The following RANBP2 variants were observed in gnomAD, a reference collection of about 807,000 sequenced individuals.
RANBP2 encodes E3 SUMO-protein ligase RanBP2.
In RANBP2, 57 loss-of-function variants were observed where a neutral mutation model predicts 303.6. The ratio of observed to expected loss-of-function variants is 0.19; its 90% confidence interval spans 0.15 to 0.23. The LOEUF (loss-of-function observed/expected upper bound fraction) is 0.23, where lower values mean the gene tolerates loss of function less well. Among genes scored for constraint, RANBP2 ranks in the 10% least tolerant of loss-of-function variants. The pLI is 1.00. For missense variants in RANBP2, 3,138 were observed against 3,780.8 expected (o/e 0.83, Z 4.46); for synonymous variants, 1,167 against 1,301.5 (o/e 0.90, Z 2.23).
the RANBP2 span, among the ~76,000 whole-genome samples, chr2:108,916,962 A>AC: frequency 6.6e-6 from 1 of 152,172 alleles, no homozygotes; most frequent in South Asian, 2.1e-4. Context: ...CCCACAGGCC[A>AC]CCCAGGCCAC....
At chr2:109,539,423 T>C in the RANBP2 span, among the ~76,000 whole-genome samples, 1 of 152,104 alleles carries the variant, frequency 6.6e-6, no homozygotes, top group African/African-American at 2.4e-5. Context: ...ACGTGTACCT[T>C]GAAGTCAACC....
the RANBP2 span, among the ~76,000 whole-genome samples, chr2:109,263,748 T>A: frequency 1.3e-5 from 2 of 152,130 alleles, no homozygotes; most frequent in African/African-American, 4.8e-5. Flanking sequence ...GGGCAGATCA[T>A]GAGGTCAGGA....
chr2:109,109,927 C>G, the RANBP2 span, among the ~76,000 whole-genome samples: 1 of 152,122 alleles, frequency 6.6e-6, no homozygotes, highest in East Asian at 1.9e-4. Context: ...ACGCACCCCC[C>G]ACAGCCCTCC....
the RANBP2 span, chr2:109,552,916 A>G: frequency 1.4e-6 from 1 of 726,784 alleles, no homozygotes; most frequent in Non-Finnish European, 2.1e-6. Context: ...TTTTCATTTA[A>G]TTTCAGGCTA....
At chr2:109,415,260 G>A in the RANBP2 span, among the ~76,000 whole-genome samples, 4 of 152,228 alleles carry the variant, frequency 2.6e-5, no homozygotes, top group African/African-American at 4.8e-5. Flanking sequence ...GTCTGTGGCT[G>A]TTTGTTTCAG....
chr2:109,179,003 A>ATGTGTGTGTGTGTGTGTGTGTGTGTG, the RANBP2 span, among the ~76,000 whole-genome samples: 2 of 142,178 alleles, frequency 1.4e-5, no homozygotes, highest in East Asian at 2.0e-4. Context: ...AAGTATAATA[A>ATGTGTGTGTGTGTGTGTGTGTGTGTG]TGTGTGTGTG....
the RANBP2 span, among the ~76,000 whole-genome samples, chr2:109,095,572 G>A: frequency 2.0e-5 from 3 of 152,174 alleles, no homozygotes; most frequent in Non-Finnish European, 4.4e-5. Flanking sequence ...CAACGGTTGA[G>A]CAAGTTGGCT....
chr2:109,652,609 T>G, the RANBP2 span, among the ~76,000 whole-genome samples: 2 of 152,158 alleles, frequency 1.3e-5, no homozygotes, highest in African/African-American at 4.8e-5. Context: ...CGACTATGGA[T>G]TCCTCCTGCA....
the RANBP2 span, among the ~76,000 whole-genome samples, chr2:109,549,936 ACTGAGT>A: frequency 6.6e-6 from 1 of 152,206 alleles, no homozygotes; most frequent in Non-Finnish European, 1.5e-5. Context: ...AGAAAGCCAT[ACTGAGT>A]GTAAAGGGGG....
intron 13 of RANBP2, 109 bp downstream of exon 13, chr2:108,753,268 T>A: frequency 6.2e-7 from 1 of 1,604,944 alleles, no homozygotes; most frequent in Admixed American, 1.7e-5. Flanking sequence ...TTAATGGTAA[T>A]CTTGTTTTCT....
At chr2:109,285,020 G>GA in the RANBP2 span, among the ~76,000 whole-genome samples, 4 of 152,264 alleles carry the variant, frequency 2.6e-5, no homozygotes, top group Admixed American at 1.3e-4. Context: ...CGTTGTCTGT[G>GA]CGCTGTGCCG....
the RANBP2 span, among the ~76,000 whole-genome samples, chr2:109,196,410 C>G: frequency 2.6e-5 from 4 of 152,200 alleles, no homozygotes; most frequent in African/African-American, 9.6e-5. Flanking sequence ...GGCGGGCAGC[C>G]TCCTGCTGTG....
At chr2:108,772,718 G>A (rs1013753272) in intron 22 of RANBP2, 137 bp downstream of exon 22, 43 of 1,215,010 alleles carry the variant, frequency 3.5e-5, no homozygotes, top group Non-Finnish European at 4.8e-5. Context: ...ACTAACAGGT[G>A]AAAATATTCT....
chr2:108,976,472 T>C, the RANBP2 span, among the ~76,000 whole-genome samples: 2 of 152,152 alleles, frequency 1.3e-5, no homozygotes, highest in African/African-American at 4.8e-5. Context: ...CACTCTGAAG[T>C]GACTCCTTCC....
chr2:109,625,087 CAA>C, the RANBP2 span, among the ~76,000 whole-genome samples: 355 of 60,088 alleles, frequency 5.9e-3, 5 homozygotes, highest in South Asian at 0.096. Flanking sequence ...ACAACAACAA[CAA>C]AAAAAAAAAA....
the RANBP2 span, among the ~76,000 whole-genome samples, chr2:108,830,765 G>A: frequency 6.6e-6 from 1 of 151,858 alleles, no homozygotes; most frequent in Admixed American, 6.6e-5. Flanking sequence ...CTGAGATCAC[G>A]CCATTGCACT....
the RANBP2 span, among the ~76,000 whole-genome samples, chr2:109,493,948 C>T: frequency 1.8e-4 from 27 of 152,220 alleles, no homozygotes; most frequent in Admixed American, 1.2e-3. Flanking sequence ...TAAGGAGTCT[C>T]CTCCGCATCA....
chr2:109,397,199 G>C, the RANBP2 span, among the ~76,000 whole-genome samples: 1 of 152,126 alleles, frequency 6.6e-6, no homozygotes, highest in Non-Finnish European at 1.5e-5. Context: ...CGCTTGGTGA[G>C]GAGAAAACTC....
chr2:109,615,605 C>G, the RANBP2 span: 1 of 1,613,710 alleles, frequency 6.2e-7, no homozygotes, highest in Non-Finnish European at 8.5e-7. Context: ...ACATCAGGGA[C>G]TACAGTGGGA....
Sources: allele counts gnomAD v4.1 joint callset (sites outside exome capture counted in the v4.1 genomes callset), GRCh38; gene constraint gnomAD v4.1.1; transcripts MANE v1.5; gene names NCBI Gene and HGNC (gene_info 2026-07-23, HGNC 2026-07-21).